The following NOL10 variants were observed in gnomAD, a reference collection of about 807,000 sequenced individuals.
NOL10 encodes the protein nucleolar protein 10, also known as H_NH0074G24.1.
A neutral mutation model predicts 103.5 loss-of-function variants in NOL10; 58 were observed. The ratio of observed to expected loss-of-function variants is 0.56; its 90% CI spans 0.45 to 0.70. The LOEUF (loss-of-function observed/expected upper bound fraction) is 0.70. NOL10 is among the 30% of genes least tolerant of loss of function. The pLI, the probability that NOL10 is intolerant of heterozygous loss-of-function variation, is 0.00. For synonymous variants in NOL10, 287 were observed against 282.5 expected, an observed-to-expected ratio of 1.02 and a Z score of -0.16; for missense variants, 763 against 807.3, an observed-to-expected ratio of 0.95 and a Z score of 0.67.
chr2:10,581,881 G>A (rs1331437765), intron 19 of NOL10, among the ~76,000 whole-genome samples: 1 of 152,144 alleles, frequency 6.6e-6, no homozygotes, highest in African/African-American at 2.4e-5. Flanking sequence ...AGGTATAGAT[G>A]TGTGAGTGTG....
At chr2:10,669,579 C>T (rs73167901) in intron 6 of NOL10, among the ~76,000 whole-genome samples, 2,031 of 150,362 alleles carry the variant, frequency 0.014, 57 homozygotes, top group African/African-American at 0.046. Context: ...TGGTCAAATG[C>T]TACCTTTTTG....
At chr2:10,638,737 C>T (rs1371673728) in intron 13 of NOL10, among the ~76,000 whole-genome samples, 2 of 149,926 alleles carry the variant, frequency 1.3e-5, no homozygotes, top group Non-Finnish European at 3.0e-5. Flanking sequence ...GTGATCCGCC[C>T]GCCTTGGCCT....
chr2:10,608,420 C>T (rs1355838566), intron 13 of NOL10, among the ~76,000 whole-genome samples: 1 of 152,100 alleles, frequency 6.6e-6, no homozygotes, highest in Non-Finnish European at 1.5e-5. Context: ...AAATCTTTCC[C>T]AACAAAATGC....
chr2:10,670,256 A>T (rs1050565451), intron 6 of NOL10, among the ~76,000 whole-genome samples: 12 of 152,150 alleles, frequency 7.9e-5, no homozygotes, highest in African/African-American at 2.7e-4. Context: ...AAAAGCAAAG[A>T]TCATGTCTTA....
intron 13 of NOL10, chr2:10,634,683 C>G: frequency 2.3e-6 from 1 of 442,328 alleles, no homozygotes; most frequent in Non-Finnish European, 4.5e-6. Context: ...GGACTAAGTC[C>G]TAGCGCTCAC....
intron 13 of NOL10, among the ~76,000 whole-genome samples, chr2:10,625,103 T>A (rs1269938527): frequency 6.6e-6 from 1 of 152,184 alleles, no homozygotes; most frequent in Non-Finnish European, 1.5e-5. Context: ...TACCAGTGAT[T>A]GCTCGGGGTT....
At chr2:10,647,945 A>G (rs1344250138) in intron 12 of NOL10, among the ~76,000 whole-genome samples, 1 of 152,122 alleles carries the variant, frequency 6.6e-6, no homozygotes, top group African/African-American at 2.4e-5. Flanking sequence ...TCTCTCTACC[A>G]TGGTTCTGAA....
At chr2:10,660,939 A>T (rs190084125) in intron 9 of NOL10, among the ~76,000 whole-genome samples, 2 of 138,806 alleles carry the variant, frequency 1.4e-5, no homozygotes, top group Non-Finnish European at 3.2e-5. Context: ...GCAAAGCATT[A>T]AAAAAAAAAA....
intron 13 of NOL10, among the ~76,000 whole-genome samples, chr2:10,608,213 A>G (rs527929961): frequency 6.6e-6 from 1 of 152,314 alleles, no homozygotes; most frequent in South Asian, 2.1e-4. Context: ...TTCTGTATAA[A>G]TAAGTCTTCA....
rs192679267 is a variant in NOL10, at chr2:10,628,845, C to T, written c.1026+15475G>A. Among the ~76,000 whole-genome samples, 295 of 152,238 alleles carry T rather than the reference C, an allele frequency of 1.9e-3. 2 individuals carry two copies. Among genetic ancestry groups the T allele is most frequent in the African/African-American group, 6.8e-3 (282 of 41,536 alleles). On this transcript the variant is annotated intron_variant, in intron 13 of 20. Transcript: ENST00000381685. ...TCTCAACTAAGAACACAAAAATAAC[C>T]GAGTAACTCTTTTCTCAATTCTCCC...
At chr2:10,650,533 T>C (rs1166025258) in intron 12 of NOL10, among the ~76,000 whole-genome samples, 1 of 152,174 alleles carries the variant, frequency 6.6e-6, no homozygotes, top group Non-Finnish European at 1.5e-5. Context: ...AAATTTCATT[T>C]AAAAGCATGC....
intron 19 of NOL10, among the ~76,000 whole-genome samples, chr2:10,582,428 A>T (rs894585903): frequency 2.0e-5 from 3 of 152,140 alleles, no homozygotes; most frequent in East Asian, 3.8e-4. Context: ...CCAAGGAGAG[A>T]AGTTATCCCC....
chr2:10,596,904 C>T (rs1281651256), intron 17 of NOL10, among the ~76,000 whole-genome samples: 1 of 152,186 alleles, frequency 6.6e-6, no homozygotes, highest in Non-Finnish European at 1.5e-5. Context: ...GATGCCCATG[C>T]CTCTCAAAGC....
chr2:10,595,665 C>A (rs1013427632), intron 17 of NOL10, among the ~76,000 whole-genome samples: 1 of 149,234 alleles, frequency 6.7e-6, no homozygotes, highest in Non-Finnish European at 1.5e-5. Context: ...AGTGCAATGG[C>A]GTGATCTTGG....
At chr2:10,617,817 T>C (rs553313344) in intron 13 of NOL10, among the ~76,000 whole-genome samples, 1 of 152,220 alleles carries the variant, frequency 6.6e-6, no homozygotes, top group Non-Finnish European at 1.5e-5. Context: ...TGGTACAACA[T>C]GGACGGGCCG....
chr2:10,572,340 G>T, intron 20 of NOL10, 150 bp from the exon 21 acceptor site: 1 of 828,480 alleles, frequency 1.2e-6, no homozygotes, highest in Non-Finnish European at 1.9e-6. Flanking sequence ...ACATGGTGGG[G>T]CTGCCTGGAC....
intron 13 of NOL10, among the ~76,000 whole-genome samples, chr2:10,622,494 A>T (rs1278945786): frequency 6.9e-6 from 1 of 145,368 alleles, no homozygotes; most frequent in Non-Finnish European, 1.5e-5. Context: ...TTTTCAAAAA[A>T]AAAGAGAGAA....
chr2:10,582,210 A>G (rs943232413), intron 19 of NOL10, among the ~76,000 whole-genome samples: 1 of 152,232 alleles, frequency 6.6e-6, no homozygotes, highest in Non-Finnish European at 1.5e-5. Flanking sequence ...AAAACATGCC[A>G]TATTAATTCA....
chr2:10,601,224 T>C (rs11683148), intron 16 of NOL10, among the ~76,000 whole-genome samples: 89,560 of 151,598 alleles, frequency 0.59, 27,436 homozygotes, highest in African/African-American at 0.74. Context: ...CCACAACGTC[T>C]GGCTAATTTT....
Sources: gnomAD v4.1 joint callset for allele counts (sites outside exome capture counted in the v4.1 genomes callset) on GRCh38, gnomAD v4.1.1 for gene constraint, MANE v1.5 for transcripts, NCBI Gene and HGNC (gene_info 2026-07-23, HGNC 2026-07-21) for gene names.